The following RBM26 variants were observed in gnomAD, a reference collection of about 807,000 sequenced individuals.
RBM26 encodes the protein RNA-binding protein 26.
In RBM26, 30 loss-of-function variants were observed where a neutral mutation model predicts 123.6. That is an observed-to-expected ratio of 0.24 (90% CI 0.18 to 0.33). RBM26 has a LOEUF of 0.33. RBM26 is among the 10% of genes least tolerant of loss of function. RBM26 has a pLI of 1.00. For synonymous variants in RBM26, 400 were observed against 404.4 expected (o/e 0.99, Z 0.13); for missense variants, 947 against 1,203.6 (o/e 0.79, Z 3.15).
intron 10 of RBM26, 124 bp from the exon 11 acceptor site, chr13:79,358,557 T>C (rs1209725106): frequency 6.6e-6 from 5 of 758,006 alleles, no homozygotes; most frequent in Non-Finnish European, 1.1e-5. Context: ...CTGAAATTAC[T>C]GGTTGATAAA....
chr13:79,364,053 A>C (rs144083835), intron 9 of RBM26, among the ~76,000 whole-genome samples: 57 of 152,328 alleles, frequency 3.7e-4, no homozygotes, highest in African/African-American at 1.3e-3. Context: ...ATCACACAAC[A>C]GTTAAAATCT....
At chr13:79,326,129 T>C (rs1005997142) in intron 20 of RBM26, among the ~76,000 whole-genome samples, 1 of 152,210 alleles carries the variant, frequency 6.6e-6, no homozygotes, top group Admixed American at 6.6e-5. Context: ...TAACAACACA[T>C]TTTTCAGGTC....
At chr13:79,372,063 G>T (rs948156859) in intron 3 of RBM26, 133 bp from the exon 4 acceptor site, 1 of 612,376 alleles carries the variant, frequency 1.6e-6, no homozygotes, top group East Asian at 2.9e-5. Flanking sequence ...GGTGGTTCAC[G>T]AAGTCGGAAG....
chr13:79,333,401 A>G (rs1434538739), intron 20 of RBM26, among the ~76,000 whole-genome samples: 1 of 152,156 alleles, frequency 6.6e-6, no homozygotes, highest in Non-Finnish European at 1.5e-5. Context: ...TATGGTTACA[A>G]TGCCCCAAGG....
intron 20 of RBM26, among the ~76,000 whole-genome samples, chr13:79,333,123 G>C (rs2069708404): frequency 6.6e-6 from 1 of 152,068 alleles, no homozygotes; most frequent in Admixed American, 6.5e-5. Flanking sequence ...CAATACCCTG[G>C]AGAGAACATT....
chr13:79,334,494 G>A (rs2069963950), intron 19 of RBM26, 64 bp from the exon 20 acceptor site: 8 of 876,020 alleles, frequency 9.1e-6, no homozygotes, highest in South Asian at 5.2e-5. Flanking sequence ...AAATCCTAAT[G>A]GTATTAAAAA....
chr13:79,344,614 C>A, intron 15 of RBM26, 55 bp downstream of exon 15: 1 of 1,501,938 alleles, frequency 6.7e-7, no homozygotes, highest in Non-Finnish European at 9.1e-7. Flanking sequence ...AACACATACA[C>A]AAGGAAAGCT....
chr13:79,401,192 G>C (rs1207706886), intron 1 of RBM26, among the ~76,000 whole-genome samples: 6 of 152,162 alleles, frequency 3.9e-5, no homozygotes, highest in African/African-American at 1.2e-4. Flanking sequence ...TTTTAATGTG[G>C]TGAGAAAGGT....
chr13:79,340,156 T>C (rs2139053305), intron 18 of RBM26, among the ~76,000 whole-genome samples: 1 of 125,616 alleles, frequency 8.0e-6, no homozygotes, highest in African/African-American at 2.7e-5. Context: ...GAAATATTTT[T>C]CAAACTTTTT....
Position 79,344,698 on chromosome 13 carries a change from C to T in RBM26, c.2155G>A (p.Asp719Asn). 6.2e-7 allele frequency: 1 copy of T among 1,612,674 alleles called. No individual in the cohort carries two copies. Among genetic ancestry groups the T allele is most frequent in the Non-Finnish European group, 8.5e-7 (1 of 1,179,258 alleles). ...KTLLVSTSAV[D>N]NNEAQKKKQE... is the part of the protein sequence containing the mutation. ...TTTTTTTTCTGTGCTTCATTATTAT[C>T]AACTGCAGAGGTGGAAACAAGTAAG... The change falls in exon 15 of 22, where the codon GAT becomes AAT. Residue 719 changes from aspartate to asparagine, a missense_variant. Asp to Asn is a conservative substitution (Grantham distance 23, BLOSUM62 1). Transcript: ENST00000438737.
In RBM26 at chr13:79,336,715, A is replaced by G. The variant is rs186562239; in HGVS notation, c.2733+387T>C. On this transcript the variant is annotated intron_variant, in intron 19 of 21. Transcript: ENST00000438737. ...TTTTATCTTGTTTCAATACTGGGTC[A>G]GCTAGATCAAGAATACATTTTTAAC... 1.3e-3 allele frequency among the ~76,000 whole-genome samples: 191 copies of G among 152,354 alleles called. 2 individuals carry two copies. The highest frequency in any genetic ancestry group is 5.8e-4 in the East Asian group (3 of 5,190).
In RBM26 at chr13:79,337,085, G is replaced by A. The variant is rs757489904; in HGVS notation, c.2733+17C>T. ...GATGATTATCAGCATTTGTTTTGTT[G>A]AGCAGTAAGAAAGTACCGCAAAATG... On this transcript the variant is annotated intron_variant, in intron 19 of 21. Coordinates refer to ENST00000438737, the MANE Select transcript of RBM26 (RefSeq NM_001366735.2). The A allele has an allele frequency of 6.2e-7, 1 of 1,603,392 alleles. No individual in the cohort carries two copies. Among genetic ancestry groups the A allele is most frequent in the African/African-American group, 1.3e-5 (1 of 74,734 alleles).
At chr13:79,327,174 T>C (rs1389426231) in intron 20 of RBM26, among the ~76,000 whole-genome samples, 1 of 151,636 alleles carries the variant, frequency 6.6e-6, no homozygotes, top group Non-Finnish European at 1.5e-5. Flanking sequence ...CGTGTGCCTA[T>C]AGTCCCAGCT....
chr13:79,365,482 C>T, intron 9 of RBM26, 96 bp downstream of exon 9: 1 of 952,932 alleles, frequency 1.0e-6, no homozygotes, highest in South Asian at 1.6e-5. Context: ...CATTCCTTAT[C>T]CAACCCCAAT....
intron 17 of RBM26, among the ~76,000 whole-genome samples, chr13:79,342,038 CTG>C (rs1200657811): frequency 6.6e-6 from 1 of 151,694 alleles, no homozygotes; most frequent in African/African-American, 2.4e-5. Context: ...TATTATAGCA[CTG>C]TGTTTAATAA....
Position 79,368,832 on chromosome 13 carries a change from T to G in RBM26, c.793A>C (p.Asn265His). ...TCAGACCAACTTTCGGTAGTGTTGT[T>G]TCCATGATGAGTAGGAGCAATTACT... The part of the protein sequence containing the change: ...ITVIAPTHHG[N>H]NTTESWSEFH... The change falls in exon 6 of 22, where the codon AAC (asparagine) becomes CAC (histidine). Residue 265 changes from asparagine (N) to histidine (H), a missense_variant. Around this residue, in one of 5 missense-constraint regions of RBM26, gnomAD observed 275 missense variants for 361.0 expected, o/e 0.76. Transcript: ENST00000438737. The G allele has an allele frequency of 6.2e-7, 1 of 1,613,968 alleles. No individual in the cohort carries two copies. The highest frequency in any genetic ancestry group is 8.5e-7 in the Non-Finnish European group (1 of 1,179,880).
chr13:79,372,856 A>ATT (rs1258836721), intron 3 of RBM26, among the ~76,000 whole-genome samples: 1 of 87,250 alleles, frequency 1.1e-5, no homozygotes, highest in African/African-American at 4.4e-5. Context: ...ATATTATATA[A>ATT]ATATAAATAT....
At chr13:79,333,464 T>C (rs1443118393) in intron 20 of RBM26, among the ~76,000 whole-genome samples, 1 of 152,246 alleles carries the variant, frequency 6.6e-6, no homozygotes, top group Non-Finnish European at 1.5e-5. Context: ...GAACATTCAC[T>C]ACAAAGAGGA....
At chr13:79,364,961 A>C (rs547882440) in intron 9 of RBM26, among the ~76,000 whole-genome samples, 1 of 152,098 alleles carries the variant, frequency 6.6e-6, no homozygotes, top group African/African-American at 2.4e-5. Flanking sequence ...CGTTACTCTC[A>C]AGATTACAAA....
Sources: gnomAD v4.1 joint callset for allele counts (sites outside exome capture counted in the v4.1 genomes callset) on GRCh38, gnomAD v4.1.1 for gene constraint, gnomAD v4.1.1 regional missense constraint, MANE v1.5 for transcripts, NCBI Gene and HGNC (gene_info 2026-07-23, HGNC 2026-07-21) for gene names.